ACAD11: variants seen among roughly 807,000 people sequenced by gnomAD.
ACAD11 encodes acyl-CoA dehydrogenase family member 11, also known as acyl-Coenzyme A dehydrogenase family, member 11.
A neutral mutation model predicts 102.2 loss-of-function variants in ACAD11; 83 were observed. The ratio of observed to expected loss-of-function variants is 0.81; its 90% confidence interval spans 0.68 to 0.97. The LOEUF is 0.97. Ranked by LOEUF, ACAD11 falls within the 50% of genes least tolerant of loss-of-function variation. The pLI is 0.00. For synonymous variants in ACAD11, 324 were observed against 319.8 expected, an observed-to-expected ratio of 1.01 and a Z score of -0.14; for missense variants, 901 against 951.7, an observed-to-expected ratio of 0.95 and a Z score of 0.70.
chr3:132,653,666 C>G (rs1406079967), intron 1 of ACAD11, among the ~76,000 whole-genome samples: 1 of 152,186 alleles, frequency 6.6e-6, no homozygotes, highest in African/African-American at 2.4e-5. Context: ...CTCCTATCTT[C>G]TTAAACCCAT....
intron 9 of ACAD11, among the ~76,000 whole-genome samples, chr3:132,626,012 A>C (rs1000203243): frequency 7.2e-5 from 11 of 152,126 alleles, no homozygotes; most frequent in Non-Finnish European, 1.3e-4. Flanking sequence ...ACTCCCTTAC[A>C]TATTTTTGTA....
intron 16 of ACAD11, among the ~76,000 whole-genome samples, chr3:132,576,253 T>G (rs1937522963): frequency 6.6e-6 from 1 of 151,344 alleles, no homozygotes; most frequent in Non-Finnish European, 1.5e-5. Context: ...TCCAGAAGAG[T>G]GGGTAAGGGT....
At chr3:132,599,353 A>C (rs1256876350) in intron 13 of ACAD11, among the ~76,000 whole-genome samples, 2 of 152,056 alleles carry the variant, frequency 1.3e-5, no homozygotes. Context: ...TAAAAATAGA[A>C]AAAATTAGCC....
intron 9 of ACAD11, among the ~76,000 whole-genome samples, chr3:132,620,668 C>T (rs571216392): frequency 6.6e-6 from 1 of 152,154 alleles, no homozygotes; most frequent in Non-Finnish European, 1.5e-5. Flanking sequence ...AAAGGACTAT[C>T]AAAAGTGACC....
intron 17 of ACAD11, among the ~76,000 whole-genome samples, chr3:132,572,989 T>A (rs1053402418): frequency 2.6e-5 from 4 of 152,266 alleles, no homozygotes; most frequent in Admixed American, 1.3e-4. Context: ...GGTATACAGG[T>A]GCCATGGTGG....
At position 132,559,047 on chromosome 3, in the gene ACAD11, G is replaced by T; in HGVS notation, c.2267C>A (p.Pro756His). The change falls in exon 20 of 20, where the codon CCT becomes CAT. Residue 756 changes from proline (P) to histidine (H), a missense_variant. Pro to His is a moderately conservative substitution (Grantham distance 77, BLOSUM62 -2). Coordinates refer to ENST00000264990, the MANE Select transcript of ACAD11 (RefSeq NM_032169.5). ...GATTGCTGAAAGATGAACTTCGTCAGGTCCATCTGCTAAACGCAAAACTCG... is the reference window on the plus strand; with the variant it reads ...GATTGCTGAAAGATGAACTTCGTCATGTCCATCTGCTAAACGCAAAACTCG... ...ITRVLRLADG[P>H]DEVHLSAIAT... 6.2e-7 allele frequency: 1 copy of T among 1,613,764 alleles called. No individual in the cohort carries two copies. The highest frequency in any genetic ancestry group is 8.5e-7 in the Non-Finnish European group (1 of 1,179,804).
intron 1 of ACAD11, among the ~76,000 whole-genome samples, chr3:132,657,993 C>T (rs1177596124): frequency 6.6e-6 from 1 of 151,286 alleles, no homozygotes; most frequent in African/African-American, 2.4e-5. Flanking sequence ...TCCCAAGTAG[C>T]TGGGACTACA....
intron 13 of ACAD11, chr3:132,600,608 A>C: frequency 6.2e-7 from 1 of 1,613,844 alleles, no homozygotes; most frequent in Non-Finnish European, 8.5e-7. Flanking sequence ...CTATTACAAG[A>C]AACAGAGAAC....
chr3:132,647,152 T>C (rs905659795), intron 1 of ACAD11: 2 of 152,160 alleles, frequency 1.3e-5, no homozygotes, highest in Non-Finnish European at 2.9e-5. Flanking sequence ...GTATCTAAAG[T>C]GGTTATAACA....
In ACAD11 at chr3:132,593,260, C is replaced by T. The variant is rs565051225; in HGVS notation, c.1621+9969G>A. The stretch of plus-strand genomic sequence containing the variant: ...TTCAACATTTATGACAAAATGTATG[C>T]AATACTTAGCTCCCTAAATTATAAA... On this transcript the variant is annotated intron_variant, in intron 13 of 19. Transcript: ENST00000264990. Among the ~76,000 whole-genome samples the T allele has an allele frequency of 7.9e-5, 12 of 151,952 alleles. No individual in the cohort carries two copies. The South Asian group carries it at 2.3e-3, about 29-fold the overall frequency.
intron 13 of ACAD11, among the ~76,000 whole-genome samples, chr3:132,590,584 C>T (rs1441594529): frequency 1.3e-5 from 2 of 152,146 alleles, no homozygotes; most frequent in African/African-American, 2.4e-5. Context: ...AATCTCCATA[C>T]TGCTTTCCAC....
At position 132,618,730 on chromosome 3, in the gene ACAD11, C is replaced by G; in HGVS notation, c.1318G>C (p.Ala440Pro). Residue 440 changes from alanine to proline, a missense_variant, in exon 11 of 20, where the codon GCT becomes CCT. Coordinates refer to ENST00000264990, the MANE Select transcript of ACAD11 (RefSeq NM_032169.5). ...VEGLWNLFLP[A>P]VSGLSHVDYA... ...TCCACGTGGCTGAGTCCGCTGACAGCTGGCAAAAACAAGTTCCAGAGACCC... is the reference window on the plus strand; with the variant it reads ...TCCACGTGGCTGAGTCCGCTGACAGGTGGCAAAAACAAGTTCCAGAGACCC... The G allele has an allele frequency of 6.3e-7, 1 of 1,598,948 alleles. No individual in the cohort carries two copies. The highest frequency in any genetic ancestry group is 8.5e-7 in the Non-Finnish European group (1 of 1,174,004).
At position 132,559,965 on chromosome 3, in the gene ACAD11, G is replaced by T. The variant is rs966047891; in HGVS notation, c.2119-23C>A. The T allele has an allele frequency of 3.8e-6, 6 of 1,574,420 alleles. No homozygotes were observed. In the East Asian group the frequency reaches 1.1e-4, roughly 30 times the overall value. ...AATCTATATAAGCAAAATATGAAAAGAATGCTTCTTTCTTAGACTATACAC... is the reference window on the plus strand; with the variant it reads ...AATCTATATAAGCAAAATATGAAAATAATGCTTCTTTCTTAGACTATACAC... On this transcript the variant is annotated intron_variant, in intron 18 of 19. Transcript: ENST00000264990.
chr3:132,589,638 T>A (rs1302457078), intron 13 of ACAD11, among the ~76,000 whole-genome samples: 1 of 152,208 alleles, frequency 6.6e-6, no homozygotes, highest in Non-Finnish European at 1.5e-5. Context: ...ATGGTGGGCA[T>A]ACTTCTGAAA....
intron 1 of ACAD11, among the ~76,000 whole-genome samples, chr3:132,656,643 C>T (rs771793223): frequency 9.2e-5 from 14 of 151,928 alleles, no homozygotes; most frequent in African/African-American, 1.5e-4. Flanking sequence ...TACAGGTACC[C>T]ACCACCACAC....
chr3:132,622,729 A>G (rs1939654088), intron 9 of ACAD11, among the ~76,000 whole-genome samples: 1 of 152,214 alleles, frequency 6.6e-6, no homozygotes, highest in Non-Finnish European at 1.5e-5. Context: ...AGCAGAAACT[A>G]TGCTTGGTGC....
At chr3:132,611,175 G>A (rs62291495) in intron 11 of ACAD11, among the ~76,000 whole-genome samples, 4,780 of 151,960 alleles carry the variant, frequency 0.031, 136 homozygotes, top group East Asian at 0.1. Context: ...ATTCAACAAC[G>A]CTTCATGCTA....
intron 2 of ACAD11, 130 bp from the exon 3 acceptor site, chr3:132,642,932 G>A (rs756410637): frequency 4.7e-6 from 4 of 856,124 alleles, no homozygotes; most frequent in Non-Finnish European, 7.3e-6. Context: ...AACTCCAGAG[G>A]ATAATAGTAA....
At chr3:132,651,323 C>A (rs961605236) in intron 1 of ACAD11, among the ~76,000 whole-genome samples, 2 of 152,108 alleles carry the variant, frequency 1.3e-5, no homozygotes, top group South Asian at 4.1e-4. Context: ...TGGCATAATT[C>A]ACTATTACTC....
Sources: allele counts gnomAD v4.1 joint callset (sites outside exome capture counted in the v4.1 genomes callset), GRCh38; gene constraint gnomAD v4.1.1; transcripts MANE v1.5; gene names NCBI Gene and HGNC (gene_info 2026-07-23, HGNC 2026-07-21).